The following ROCK2 variants were observed in gnomAD, a reference collection of about 807,000 sequenced individuals.
The protein encoded by ROCK2 is rho-associated protein kinase 2.
Under a neutral mutation model 195.1 loss-of-function variants are expected in ROCK2, and 61 were observed. The ratio of observed to expected loss-of-function variants is 0.31; its 90% CI spans 0.25 to 0.39. The LOEUF (loss-of-function observed/expected upper bound fraction) is 0.39, where lower values mean the gene tolerates loss of function less well. ROCK2 is among the 10% of genes least tolerant of loss of function. The pLI is 1.00. For missense variants in ROCK2, 1,109 were observed against 1,637.4 expected (o/e 0.68, Z 5.57); for synonymous variants, 504 against 545.5 (o/e 0.92, Z 1.06).
At chr2:11,318,970 T>C (rs1668316089) in intron 1 of ROCK2, among the ~76,000 whole-genome samples, 1 of 152,366 alleles carries the variant, frequency 6.6e-6, no homozygotes, top group Middle Eastern at 3.4e-3. Flanking sequence ...TATATCTCTG[T>C]TTTGGTACCA....
At chr2:11,296,622 G>A (rs985292878) in intron 1 of ROCK2, among the ~76,000 whole-genome samples, 4 of 152,046 alleles carry the variant, frequency 2.6e-5, no homozygotes, top group East Asian at 3.9e-4. Context: ...TAAAGATTAC[G>A]TAATTTAGGA....
chr2:11,269,740 T>A (rs1300293904), intron 3 of ROCK2, among the ~76,000 whole-genome samples: 1 of 152,120 alleles, frequency 6.6e-6, no homozygotes, highest in Admixed American at 6.6e-5. Context: ...TCTCTCCCCA[T>A]CATTTGTGTT....
chr2:11,304,982 T>G (rs982589592), intron 1 of ROCK2, among the ~76,000 whole-genome samples: 1 of 152,116 alleles, frequency 6.6e-6, no homozygotes, highest in Non-Finnish European at 1.5e-5. Flanking sequence ...ATAGAATAAA[T>G]ACAAATATGG....
intron 1 of ROCK2, among the ~76,000 whole-genome samples, chr2:11,313,610 C>A (rs550283282): frequency 1.3e-5 from 2 of 151,926 alleles, no homozygotes; most frequent in South Asian, 4.1e-4. Context: ...CCTTTTGGGG[C>A]ATATGGTTTT....
intron 14 of ROCK2, 40 bp downstream of exon 14, chr2:11,215,469 AT>A (rs71393859): frequency 3.7e-6 from 6 of 1,607,010 alleles, no homozygotes; most frequent in East Asian, 2.2e-5. Flanking sequence ...CACACACTTA[AT>A]TTTTTTCTTG....
At chr2:11,279,413 G>A (rs956075133) in intron 3 of ROCK2, among the ~76,000 whole-genome samples, 1 of 152,238 alleles carries the variant, frequency 6.6e-6, no homozygotes, top group African/African-American at 2.4e-5. Context: ...TCAAAGCAAG[G>A]AAAGTTACCA....
rs1572274335 is a variant in ROCK2, at chr2:11,229,910, CT to C, written c.724-2513del. 5.3e-5 allele frequency among the ~76,000 whole-genome samples: 8 copies of C among 152,224 alleles called. No individual in the cohort carries two copies. The South Asian group carries it at 1.7e-3, about 32-fold the overall frequency. On this transcript the variant is annotated intron_variant, in intron 5 of 32. Coordinates refer to ENST00000315872, the MANE Select transcript of ROCK2 (RefSeq NM_004850.5). ...CAGATAATAAGAGCCAAGAGTTTTACTGTTCACGAAAGAAATTACAAAAAAG... is the reference window on the plus strand; with the variant it reads ...CAGATAATAAGAGCCAAGAGTTTTACGTTCACGAAAGAAATTACAAAAAAG...
chr2:11,314,528 CA>C (rs1185647128), intron 1 of ROCK2, among the ~76,000 whole-genome samples: 1 of 151,916 alleles, frequency 6.6e-6, no homozygotes, highest in Non-Finnish European at 1.5e-5. Context: ...ATTTTACATG[CA>C]AAACCCAGTA....
chr2:11,313,236 G>C (rs1572395638), intron 1 of ROCK2, among the ~76,000 whole-genome samples: 2 of 152,098 alleles, frequency 1.3e-5, no homozygotes, highest in East Asian at 3.9e-4. Flanking sequence ...GCTGTTACAT[G>C]GGACCTCTGT....
intron 15 of ROCK2, 90 bp from the exon 16 acceptor site, chr2:11,215,176 TTAAAA>T: frequency 6.6e-7 from 1 of 1,526,334 alleles, no homozygotes; most frequent in Non-Finnish European, 8.8e-7. Flanking sequence ...TAGAAACTAT[TTAAAA>T]TAAACAAAAA....
intron 3 of ROCK2, among the ~76,000 whole-genome samples, chr2:11,282,248 G>A (rs183910908): frequency 1.1e-3 from 165 of 152,176 alleles, no homozygotes; most frequent in Admixed American, 5.5e-3. Context: ...CTACTCGAGA[G>A]GCTGGGGCAG....
chr2:11,248,614 C>T (rs1424602017), intron 4 of ROCK2, among the ~76,000 whole-genome samples: 4 of 142,228 alleles, frequency 2.8e-5, no homozygotes, highest in Non-Finnish European at 4.5e-5. Context: ...GAGACTGAGG[C>T]AGGAGAACCG....
chr2:11,264,772 C>T (rs1367231121), intron 3 of ROCK2, among the ~76,000 whole-genome samples: 3 of 151,978 alleles, frequency 2.0e-5, no homozygotes, highest in African/African-American at 7.3e-5. Flanking sequence ...AGAGAATGAA[C>T]CATGAAGGAA....
intron 3 of ROCK2, among the ~76,000 whole-genome samples, chr2:11,285,592 C>T (rs1454593766): frequency 6.6e-6 from 1 of 152,052 alleles, no homozygotes; most frequent in Non-Finnish European, 1.5e-5. Flanking sequence ...CTCTGGGAGG[C>T]CGAGCAGGTA....
chr2:11,227,164 G>T, intron 6 of ROCK2, 90 bp downstream of exon 6: 2 of 1,210,754 alleles, frequency 1.7e-6, no homozygotes, highest in South Asian at 1.5e-5. Context: ...TACGACAAAG[G>T]CAATTAATTT....
Position 11,201,243 on chromosome 2 carries a change from A to G in ROCK2, c.2723+67T>C. ...ATCAATAATTTTTTATTTGGTGATT[A>G]CCAGGCATTGTTCTAGGAGCAAAGT... is the stretch of plus-strand genomic sequence containing the variant. On this transcript the variant is annotated intron_variant, in intron 22 of 32. Transcript: ENST00000315872. This position sits in a 1 kb window ranked among gnomAD's most constrained non-coding sequence, Gnocchi z 4.6. The G allele has an allele frequency of 6.6e-7, 1 of 1,517,048 alleles. No homozygotes were observed. The highest frequency in any genetic ancestry group is 2.3e-5 in the East Asian group (1 of 44,256). The allele number at this position is 1,517,048 out of a possible 1,614,324, so 94.0% of individuals were successfully genotyped here. A position where few individuals can be genotyped will look rare whatever the true frequency, so the allele number is the denominator to read the frequency against.
At chr2:11,305,761 C>T (rs1667840369) in intron 1 of ROCK2, among the ~76,000 whole-genome samples, 1 of 152,168 alleles carries the variant, frequency 6.6e-6, no homozygotes, top group East Asian at 1.9e-4. Flanking sequence ...TCAATGTCCT[C>T]GTTTTGAGAA....
intron 32 of ROCK2, among the ~76,000 whole-genome samples, chr2:11,189,164 A>T (rs1358691524): frequency 1.3e-5 from 2 of 152,230 alleles, no homozygotes; most frequent in African/African-American, 4.8e-5. Flanking sequence ...TTTATATTTG[A>T]TGTATCTAAC....
intron 4 of ROCK2, among the ~76,000 whole-genome samples, chr2:11,246,115 G>A (rs1665605000): frequency 6.6e-6 from 1 of 152,168 alleles, no homozygotes; most frequent in Admixed American, 6.6e-5. Context: ...TAACACACCA[G>A]ATAACCAGAC....
Sources: gnomAD v4.1 joint callset for allele counts (sites outside exome capture counted in the v4.1 genomes callset) on GRCh38, gnomAD v4.1.1 for gene constraint, Gnocchi (gnomAD v3.1) non-coding constraint, MANE v1.5 for transcripts, NCBI Gene and HGNC (gene_info 2026-07-23, HGNC 2026-07-21) for gene names.